THUMPD3: variants seen among roughly 807,000 people sequenced by gnomAD.
THUMPD3 encodes tRNA (guanine(6)-N(2))-methyltransferase THUMP3.
A neutral mutation model predicts 54.5 loss-of-function variants in THUMPD3; 44 were observed. The observed-to-expected ratio is 0.81, with a 90% CI of 0.63 to 1.04. The LOEUF (loss-of-function observed/expected upper bound fraction) is 1.04. Among genes scored for constraint, THUMPD3 ranks in the 50% least tolerant of loss-of-function variants. The pLI, the probability that THUMPD3 is intolerant of heterozygous loss-of-function variation, is 0.00. For missense variants in THUMPD3, 604 were observed against 601.3 expected, an observed-to-expected ratio of 1.00 and a Z score of -0.05; for synonymous variants, 196 against 201.4, an observed-to-expected ratio of 0.97 and a Z score of 0.23.
In THUMPD3 at chr3:9,384,854, A is replaced by C; in HGVS notation, c.*166A>C. Reference sequence around the variant, plus strand: ...TGAATGTAATGTGATGGAATTTAAAAGTTTTATGAGACCAGGCACAGTGGC... The same window carrying C: ...TGAATGTAATGTGATGGAATTTAAACGTTTTATGAGACCAGGCACAGTGGC... On this transcript the variant is annotated 3_prime_UTR_variant, in exon 10 of 10. Transcript: ENST00000452837. 1.3e-6 allele frequency: 1 copy of C among 762,614 alleles called. No homozygotes were observed. The highest frequency in any genetic ancestry group is 2.9e-5 in the Admixed American group (1 of 34,366). 47.2% of individuals were successfully genotyped at this position (762,614 alleles called of 1,614,324 possible). A position where few individuals can be genotyped will look rare whatever the true frequency, so the allele number is the denominator to read the frequency against.
chr3:9,383,079 T>G (rs2033043779), intron 7 of THUMPD3, 120 bp from the exon 8 acceptor site: 3 of 607,816 alleles, frequency 4.9e-6, no homozygotes, highest in Non-Finnish European at 8.9e-6. Context: ...AGGTTGATAT[T>G]ATCACTGATA....
chr3:9,371,911 C>G (rs1287804015), intron 4 of THUMPD3, among the ~76,000 whole-genome samples: 1 of 152,194 alleles, frequency 6.6e-6, no homozygotes, highest in Non-Finnish European at 1.5e-5. Flanking sequence ...GAGTCTTGCT[C>G]TGTCACCCAG....
intron 7 of THUMPD3, among the ~76,000 whole-genome samples, chr3:9,382,345 TGAG>T (rs376660281): frequency 2.8e-3 from 425 of 152,314 alleles, no homozygotes; most frequent in African/African-American, 7.9e-3. Flanking sequence ...TTTGCCTTAA[TGAG>T]GAGGATTTAA....
rs1035155357 is a variant in THUMPD3 at position 9,383,201 on chromosome 3, A to G, written c.1127A>G (p.Lys376Arg). Residue 376 changes from lysine to arginine, a missense_variant and splice_region_variant, in exon 8 of 10, where the codon AAA becomes AGA. Coordinates refer to ENST00000452837, the MANE Select transcript of THUMPD3 (RefSeq NM_001114092.2). Reference sequence around the variant, plus strand: ...GCACCTTTCCTTTGTCCCCACAGCAAACCCTCCTGGGGCTTGCCCATAGAT... The same window carrying G: ...GCACCTTTCCTTTGTCCCCACAGCAGACCCTCCTGGGGCTTGCCCATAGAT... ...LLTKSQIKEG[K>R]PSWGLPIDAV... 44 of 1,612,884 alleles carry G rather than the reference A, an allele frequency of 2.7e-5. 2 individuals are homozygous for G. The highest frequency in any genetic ancestry group is 3.3e-5 in the South Asian group (3 of 91,056).
At chr3:9,372,189 A>G (rs1030037070) in intron 4 of THUMPD3, among the ~76,000 whole-genome samples, 2 of 152,220 alleles carry the variant, frequency 1.3e-5, no homozygotes, top group Non-Finnish European at 2.9e-5. Flanking sequence ...CTCTTTTACT[A>G]TATTATATGG....
intron 1 of THUMPD3, 97 bp from the exon 2 acceptor site, chr3:9,364,919 G>A: frequency 1.0e-6 from 1 of 983,194 alleles, no homozygotes; most frequent in Non-Finnish European, 1.5e-6. Context: ...TATCAGATGT[G>A]TTGCCTTGTT....
At chr3:9,376,864 G>C (rs1438891088) in intron 5 of THUMPD3, among the ~76,000 whole-genome samples, 1 of 152,112 alleles carries the variant, frequency 6.6e-6, no homozygotes, top group Non-Finnish European at 1.5e-5. Context: ...ATGTTTCCTT[G>C]CATCAGCTTA....
chr3:9,371,512 C>G lies in THUMPD3; in HGVS notation c.783C>G (p.Ala261=). ...TTCAAGATTATTTTAAGTGGAAGGC[C>G]GACATGACCAACTTTGATGTGGAGG... The part of the protein sequence containing the change: ...GAVQDYFKWK[A]DMTNFDVEVL... The change falls in exon 4 of 10, where the codon GCC becomes GCG. Residue 261 remains alanine, a synonymous_variant. Coordinates refer to ENST00000452837, the MANE Select transcript of THUMPD3 (RefSeq NM_001114092.2). The G allele has an allele frequency of 6.2e-7, 1 of 1,613,142 alleles. No individual in the cohort carries two copies. The highest frequency in any genetic ancestry group is 1.1e-5 in the South Asian group (1 of 90,968).
At chr3:9,365,410 G>T (rs116047425) in intron 2 of THUMPD3, 90 bp downstream of exon 2, 19,206 of 1,457,372 alleles carry the variant, frequency 0.013, 164 homozygotes, top group Non-Finnish European at 0.016. Flanking sequence ...AATCCTTTCT[G>T]ATTTTCATTG....
At chr3:9,364,925 T>C in intron 1 of THUMPD3, 91 bp from the exon 2 acceptor site, 5 of 1,091,924 alleles carry the variant, frequency 4.6e-6, no homozygotes, top group South Asian at 1.7e-5. Context: ...ATGTGTTGCC[T>C]TGTTCTTCCT....
intron 2 of THUMPD3, among the ~76,000 whole-genome samples, chr3:9,366,666 T>A (rs962458755): frequency 1.3e-5 from 2 of 152,222 alleles, no homozygotes; most frequent in Admixed American, 6.5e-5. Context: ...ACAAAAGACG[T>A]GTTGCCCACA....
intron 7 of THUMPD3, among the ~76,000 whole-genome samples, chr3:9,381,549 G>C (rs1473697607): frequency 1.3e-5 from 2 of 151,128 alleles, no homozygotes; most frequent in African/African-American, 2.4e-5. Flanking sequence ...TAGTTGGAAG[G>C]CTTCAATTTT....
rs1391539806 is a variant in THUMPD3 at position 9,386,724 on chromosome 3, A to C, written c.*2036A>C. On this transcript the variant is annotated 3_prime_UTR_variant, in exon 10 of 10. Transcript: ENST00000452837. ...TTGTGTGACCTTGGTTTTAACCTTCAAAGTGGGTCTCCTGGACTAAAAGAA... is the reference window on the plus strand; with the variant it reads ...TTGTGTGACCTTGGTTTTAACCTTCCAAGTGGGTCTCCTGGACTAAAAGAA... 6.6e-6 allele frequency: 1 copy of C among 152,280 alleles called. No individual in the cohort carries two copies. Among genetic ancestry groups the C allele is most frequent in the East Asian group, 1.9e-4 (1 of 5,182 alleles). The allele number at this position is 152,280 out of a possible 1,614,324, so 9.4% of individuals were successfully genotyped here.
At chr3:9,382,312 ATT>A (rs2125333179) in intron 7 of THUMPD3, among the ~76,000 whole-genome samples, 1 of 152,094 alleles carries the variant, frequency 6.6e-6, no homozygotes, top group South Asian at 2.1e-4. Flanking sequence ...CCTGTGCATT[ATT>A]TTGTTTCTTA....
chr3:9,369,309 C>CA (rs779602979), intron 3 of THUMPD3, among the ~76,000 whole-genome samples: 31,508 of 61,016 alleles, frequency 0.52, 9,935 homozygotes, highest in South Asian at 0.73. Flanking sequence ...GACTCCGTCT[C>CA]AAAAAAAAAA....
chr3:9,383,066 AATAGGTTG>A, intron 7 of THUMPD3, 125 bp from the exon 8 acceptor site: 1 of 563,048 alleles, frequency 1.8e-6, no homozygotes, highest in Non-Finnish European at 3.2e-6. Flanking sequence ...TTAAATTTTG[AATAGGTTG>A]ATATTATCAC....
chr3:9,383,287 A>T lies in THUMPD3; in HGVS notation c.1213A>T (p.Thr405Ser). Residue 405 changes from threonine to serine, a missense_variant, in exon 8 of 10, where the codon ACA becomes TCA. Coordinates refer to ENST00000452837, the MANE Select transcript of THUMPD3 (RefSeq NM_001114092.2). ...AACTGGCTCTGTGGATATTATTGTA[A>T]CAGATTTGCCATTTGGAAAAAGGTG... ...LRTGSVDIIV[T>S]DLPFGKRMGS... The T allele has an allele frequency of 6.2e-7, 1 of 1,613,574 alleles. No homozygotes were observed. Among genetic ancestry groups the T allele is most frequent in the Non-Finnish European group, 8.5e-7 (1 of 1,179,506 alleles).
At position 9,372,098 on chromosome 3, in the gene THUMPD3, A is replaced by G. The variant is rs185156956; in HGVS notation, c.807+562A>G. On this transcript the variant is annotated intron_variant, in intron 4 of 9. Coordinates refer to ENST00000452837, the MANE Select transcript of THUMPD3 (RefSeq NM_001114092.2). ...CACCCTGTTGGCCAGGCTGGTCTCA[A>G]ACTCCTGTAGTGATCTGCCTGTCTT... 3.5e-3 allele frequency among the ~76,000 whole-genome samples: 539 copies of G among 152,276 alleles called. 3 individuals carry two copies. The highest frequency in any genetic ancestry group is 0.02 in the Middle Eastern group (6 of 294).
intron 3 of THUMPD3, among the ~76,000 whole-genome samples, chr3:9,368,868 T>C (rs1010390074): frequency 1.3e-5 from 2 of 152,192 alleles, no homozygotes; most frequent in African/African-American, 4.8e-5. Context: ...TCTGGAGATA[T>C]TTTACGAATA....
Sources: gnomAD v4.1 joint callset for allele counts (sites outside exome capture counted in the v4.1 genomes callset) on GRCh38, gnomAD v4.1.1 for gene constraint, MANE v1.5 for transcripts, NCBI Gene and HGNC (gene_info 2026-07-23, HGNC 2026-07-21) for gene names.